The following PAFAH1B1 variants were observed in gnomAD, a reference collection of about 807,000 sequenced individuals.
PAFAH1B1 encodes the protein platelet activating factor acetylhydrolase 1b regulatory subunit 1.
A neutral mutation model predicts 57.5 loss-of-function variants in PAFAH1B1; 2 were observed. The ratio of observed to expected loss-of-function variants is 0.03; its 90% confidence interval spans 0.01 to 0.11. The LOEUF (loss-of-function observed/expected upper bound fraction) is 0.11. Ranked by LOEUF, PAFAH1B1 falls within the 10% of genes least tolerant of loss-of-function variation. The probability of loss-of-function intolerance (pLI) is 1.00; values close to 1 mark genes in which losing one functional copy is unlikely to be tolerated. For synonymous variants in PAFAH1B1, 152 were observed against 169.6 expected (o/e 0.90, Z 0.81); for missense variants, 257 against 512.0 (o/e 0.50, Z 4.81).
intron 2 of PAFAH1B1, among the ~76,000 whole-genome samples, chr17:2,644,790 T>A (rs993221194): frequency 1.3e-5 from 2 of 152,178 alleles, no homozygotes; most frequent in Admixed American, 1.3e-4. Flanking sequence ...ATGCTTTGTA[T>A]GAACTCACTG....
chr17:2,646,678 A>C (rs958612981), intron 2 of PAFAH1B1, among the ~76,000 whole-genome samples: 2 of 152,108 alleles, frequency 1.3e-5, no homozygotes, highest in Non-Finnish European at 2.9e-5. Flanking sequence ...TAAATTTGAA[A>C]ATCTGAATGA....
intron 1 of PAFAH1B1, among the ~76,000 whole-genome samples, chr17:2,601,777 C>T (rs1212452896): frequency 6.6e-6 from 1 of 151,934 alleles, no homozygotes; most frequent in African/African-American, 2.4e-5. Flanking sequence ...TGAGGTCTTG[C>T]CATGTTGCCC....
At chr17:2,661,473 G>C (rs188217761) in intron 2 of PAFAH1B1, among the ~76,000 whole-genome samples, 1 of 152,284 alleles carries the variant, frequency 6.6e-6, no homozygotes, top group Admixed American at 6.5e-5. Flanking sequence ...GATGTTTGTA[G>C]ATATGTGGTG....
intron 9 of PAFAH1B1, among the ~76,000 whole-genome samples, chr17:2,678,515 G>A (rs949379484): frequency 1.3e-5 from 2 of 151,586 alleles, no homozygotes; most frequent in Non-Finnish European, 2.9e-5. Context: ...GCAGTGAGCC[G>A]AGATCGCACC....
intron 1 of PAFAH1B1, among the ~76,000 whole-genome samples, chr17:2,610,613 A>G (rs2068257132): frequency 1.3e-5 from 2 of 152,214 alleles, no homozygotes; most frequent in African/African-American, 2.4e-5. Flanking sequence ...TACACTAACG[A>G]TAGTTGATGA....
At chr17:2,624,758 G>C (rs1009238325) in intron 1 of PAFAH1B1, among the ~76,000 whole-genome samples, 9 of 152,150 alleles carry the variant, frequency 5.9e-5, no homozygotes, top group African/African-American at 1.9e-4. Flanking sequence ...GCCCAGGCTA[G>C]TCTTGAACTC....
At chr17:2,676,799 A>G (rs2069275282) in intron 9 of PAFAH1B1, among the ~76,000 whole-genome samples, 193 bp downstream of exon 9, 1 of 152,224 alleles carries the variant, frequency 6.6e-6, no homozygotes, top group Non-Finnish European at 1.5e-5. Context: ...TGCAGATTCT[A>G]TAAAGAATCT....
chr17:2,614,685 C>T (rs917268246), intron 1 of PAFAH1B1, among the ~76,000 whole-genome samples: 3 of 152,168 alleles, frequency 2.0e-5, no homozygotes, highest in Non-Finnish European at 4.4e-5. Context: ...AGTGATCCTC[C>T]CACCTTAGCC....
At chr17:2,619,082 A>G (rs2068385570) in intron 1 of PAFAH1B1, among the ~76,000 whole-genome samples, 1 of 152,000 alleles carries the variant, frequency 6.6e-6, no homozygotes, top group African/African-American at 2.4e-5. Context: ...ATAAGAAAGC[A>G]TGTCTCAAGT....
chr17:2,679,145 C>T (rs1362222876), intron 9 of PAFAH1B1, among the ~76,000 whole-genome samples: 3 of 152,102 alleles, frequency 2.0e-5, no homozygotes, highest in African/African-American at 7.2e-5. Flanking sequence ...GGTATCATGC[C>T]CCTTAAGGTA....
intron 2 of PAFAH1B1, among the ~76,000 whole-genome samples, chr17:2,660,589 C>G (rs535375191): frequency 6.6e-6 from 1 of 152,252 alleles, no homozygotes; most frequent in South Asian, 2.1e-4. Flanking sequence ...GATCTCATTC[C>G]TTTTTATGGC....
intron 8 of PAFAH1B1, chr17:2,676,234 C>T: frequency 2.6e-6 from 1 of 383,248 alleles, no homozygotes; most frequent in Non-Finnish European, 4.9e-6. Flanking sequence ...AAAAATTAGC[C>T]ACATGTGGTG....
chr17:2,643,768 C>G (rs891259903), intron 2 of PAFAH1B1, among the ~76,000 whole-genome samples: 1 of 152,050 alleles, frequency 6.6e-6, no homozygotes, highest in Non-Finnish European at 1.5e-5. Flanking sequence ...ACCATGTTGG[C>G]CAGGCTGGTC....
chr17:2,610,494 A>G (rs990011493), intron 1 of PAFAH1B1, among the ~76,000 whole-genome samples: 1 of 152,228 alleles, frequency 6.6e-6, no homozygotes, highest in Non-Finnish European at 1.5e-5. Context: ...GATAGTTCAG[A>G]AAGATAACTA....
chr17:2,658,824 G>A (rs2068974207), intron 2 of PAFAH1B1, among the ~76,000 whole-genome samples: 1 of 152,212 alleles, frequency 6.6e-6, no homozygotes, highest in Non-Finnish European at 1.5e-5. Context: ...GTGAAGGATG[G>A]TAATGGCAAT....
chr17:2,596,913 T>A (rs2151605810), intron 1 of PAFAH1B1, among the ~76,000 whole-genome samples: 1 of 152,088 alleles, frequency 6.6e-6, no homozygotes, highest in African/African-American at 2.4e-5. Flanking sequence ...ACAAAAAAAT[T>A]AGCCATGTCT....
At chr17:2,607,516 G>T (rs1471971323) in intron 1 of PAFAH1B1, among the ~76,000 whole-genome samples, 3 of 149,260 alleles carry the variant, frequency 2.0e-5, no homozygotes, top group African/African-American at 4.9e-5. Flanking sequence ...ATGGAGTCCC[G>T]CTCTATCACC....
chr17:2,645,729 C>T (rs950626111), intron 2 of PAFAH1B1, among the ~76,000 whole-genome samples: 6 of 151,522 alleles, frequency 4.0e-5, no homozygotes, highest in Middle Eastern at 6.8e-3. Flanking sequence ...CTCAGCCTCC[C>T]GAGTAGCTGG....
intron 1 of PAFAH1B1, among the ~76,000 whole-genome samples, chr17:2,625,980 G>A (rs2068484171): frequency 6.6e-6 from 1 of 152,110 alleles, no homozygotes; most frequent in Non-Finnish European, 1.5e-5. Flanking sequence ...GCCAGGCGTG[G>A]TGGCTCATGC....
Sources: gnomAD v4.1 joint callset for allele counts (sites outside exome capture counted in the v4.1 genomes callset) on GRCh38, gnomAD v4.1.1 for gene constraint, MANE v1.5 for transcripts, NCBI Gene and HGNC (gene_info 2026-07-23, HGNC 2026-07-21) for gene names.